The following MCPH1 variants were observed in gnomAD, a reference collection of about 807,000 sequenced individuals.
MCPH1 encodes the protein microcephalin 1.
MCPH1 carries 104 observed loss-of-function variants against 84.5 expected under a neutral mutation model. The observed-to-expected ratio is 1.23, with a 90% CI of 1.05 to 1.45. The LOEUF (loss-of-function observed/expected upper bound fraction) is 1.45. MCPH1 is among the 40% of genes most tolerant of loss of function. MCPH1 has a pLI of 0.00. For missense variants in MCPH1, 1,498 were observed against 1,005.7 expected (o/e 1.49, Z -6.62); for synonymous variants, 514 against 366.8 (o/e 1.40, Z -4.58).
At chr8:6,566,861 C>A (rs1360951588) in intron 12 of MCPH1, among the ~76,000 whole-genome samples, 4 of 148,574 alleles carry the variant, frequency 2.7e-5, no homozygotes. Flanking sequence ...CATGTGTGAT[C>A]AGCAAGGCCA....
At chr8:6,514,131 C>CA (rs1815750401) in intron 12 of MCPH1, among the ~76,000 whole-genome samples, 1 of 152,188 alleles carries the variant, frequency 6.6e-6, no homozygotes, top group African/African-American at 2.4e-5. Flanking sequence ...GAATGTGAAG[C>CA]ACCATTAAAC....
At chr8:6,491,984 A>G (rs1477485136) in intron 11 of MCPH1, among the ~76,000 whole-genome samples, 2 of 152,218 alleles carry the variant, frequency 1.3e-5, no homozygotes, top group Non-Finnish European at 1.5e-5. Flanking sequence ...TCCTTTGGGT[A>G]TATACCCAGT....
intron 12 of MCPH1, among the ~76,000 whole-genome samples, chr8:6,569,532 G>A (rs940872088): frequency 8.5e-5 from 13 of 152,156 alleles, no homozygotes; most frequent in East Asian, 7.7e-4. Flanking sequence ...TCAAGTTACC[G>A]TAAAGACAGA....
intron 9 of MCPH1, among the ~76,000 whole-genome samples, chr8:6,467,149 C>T (rs1807083594): frequency 6.6e-6 from 1 of 151,930 alleles, no homozygotes; most frequent in Non-Finnish European, 1.5e-5. Context: ...TTGGCATATC[C>T]TTTTGTGACT....
At chr8:6,598,948 G>A (rs1352673942) in intron 12 of MCPH1, among the ~76,000 whole-genome samples, 1 of 152,264 alleles carries the variant, frequency 6.6e-6, no homozygotes, top group Non-Finnish European at 1.5e-5. Flanking sequence ...CAGCCCCGCT[G>A]AGCTGGGTGG....
At chr8:6,488,080 G>C (rs1395690101) in intron 11 of MCPH1, among the ~76,000 whole-genome samples, 3 of 152,236 alleles carry the variant, frequency 2.0e-5, no homozygotes, top group Non-Finnish European at 2.9e-5. Context: ...CACAGAGTTT[G>C]TCTGCTTCTT....
At chr8:6,611,174 T>A (rs565698039) in intron 12 of MCPH1, among the ~76,000 whole-genome samples, 3 of 151,812 alleles carry the variant, frequency 2.0e-5, no homozygotes, top group African/African-American at 7.3e-5. Context: ...TGACACCAAA[T>A]GTATGGGTTT....
chr8:6,457,732 C>A (rs1805855039), intron 9 of MCPH1, among the ~76,000 whole-genome samples: 1 of 152,204 alleles, frequency 6.6e-6, no homozygotes, highest in Non-Finnish European at 1.5e-5. Context: ...GGCGAAGAAT[C>A]CACCTTCTGT....
At chr8:6,449,912 G>C (rs1287536220) in intron 8 of MCPH1, among the ~76,000 whole-genome samples, 1 of 152,224 alleles carries the variant, frequency 6.6e-6, no homozygotes, top group Non-Finnish European at 1.5e-5. Flanking sequence ...TCCTGAACTA[G>C]TGCACAGCTT....
chr8:6,439,943 T>C (rs1463390330), intron 6 of MCPH1, among the ~76,000 whole-genome samples: 1 of 152,352 alleles, frequency 6.6e-6, no homozygotes, highest in East Asian at 1.9e-4. Flanking sequence ...TGTTTCAGTG[T>C]ATCAGATATC....
intron 9 of MCPH1, chr8:6,473,848 G>T (rs566024916): frequency 4.2e-6 from 6 of 1,445,438 alleles, no homozygotes; most frequent in Admixed American, 4.7e-5. Flanking sequence ...TAAGTCAAGA[G>T]TTATAATCTT....
intron 12 of MCPH1, among the ~76,000 whole-genome samples, chr8:6,596,309 C>T (rs1419173126): frequency 5.3e-5 from 8 of 152,290 alleles, no homozygotes; most frequent in East Asian, 3.9e-4. Context: ...TGAGCTCTGG[C>T]GTTCTTCTTA....
At chr8:6,561,301 TC>T (rs1825501271) in intron 12 of MCPH1, among the ~76,000 whole-genome samples, 1 of 152,190 alleles carries the variant, frequency 6.6e-6, no homozygotes, top group Non-Finnish European at 1.5e-5. Flanking sequence ...ATTTGATAGG[TC>T]ATTTTGGTAA....
intron 2 of MCPH1, among the ~76,000 whole-genome samples, chr8:6,411,732 A>G (rs556571315): frequency 6.6e-6 from 1 of 152,326 alleles, no homozygotes; most frequent in African/African-American, 2.4e-5. Context: ...TAATTTGTAA[A>G]TAAAACTTCA....
intron 12 of MCPH1, among the ~76,000 whole-genome samples, chr8:6,577,184 C>G (rs974163328): frequency 6.6e-6 from 1 of 152,206 alleles, no homozygotes. Flanking sequence ...AGGTGGCCAG[C>G]GCCTCTTCCT....
intron 12 of MCPH1, among the ~76,000 whole-genome samples, chr8:6,609,828 C>CACACACA (rs1554476434): frequency 2.8e-5 from 3 of 108,860 alleles, no homozygotes; most frequent in African/African-American, 8.9e-5. Context: ...CGCCCCCCCC[C>CACACACA]CACACACAGA....
intron 9 of MCPH1, among the ~76,000 whole-genome samples, chr8:6,458,341 G>A (rs1198350971): frequency 6.6e-6 from 1 of 151,710 alleles, no homozygotes; most frequent in Non-Finnish European, 1.5e-5. Flanking sequence ...GCGTAGTGGC[G>A]GGCGCCTGTA....
chr8:6,506,134 T>C (rs1439884294), intron 12 of MCPH1, among the ~76,000 whole-genome samples: 1 of 151,856 alleles, frequency 6.6e-6, no homozygotes, highest in Non-Finnish European at 1.5e-5. Context: ...GTGACTTCAT[T>C]TGATTCAGGT....
At chr8:6,425,434 C>T (rs988003242) in intron 3 of MCPH1, among the ~76,000 whole-genome samples, 1 of 152,162 alleles carries the variant, frequency 6.6e-6, no homozygotes, top group African/African-American at 2.4e-5. Context: ...TGTGTTACCA[C>T]GTGTGCTAAA....
Sources: allele counts gnomAD v4.1 joint callset (sites outside exome capture counted in the v4.1 genomes callset), GRCh38; gene constraint gnomAD v4.1.1; transcripts MANE v1.5; gene names NCBI Gene and HGNC (gene_info 2026-07-23, HGNC 2026-07-21).